Variants in SGCZ observed in about 807,000 individuals in gnomAD.
SGCZ encodes sarcoglycan zeta.
A neutral mutation model predicts 41.3 loss-of-function variants in SGCZ; 40 were observed. The ratio of observed to expected loss-of-function variants is 0.97; its 90% CI spans 0.75 to 1.26. SGCZ has a LOEUF of 1.26. SGCZ is among the 50% of genes most tolerant of loss of function. The pLI, the probability that SGCZ is intolerant of heterozygous loss-of-function variation, is 0.00. For missense variants in SGCZ, 552 were observed against 369.8 expected, an observed-to-expected ratio of 1.49 and a Z score of -4.04; for synonymous variants, 206 against 137.5, an observed-to-expected ratio of 1.50 and a Z score of -3.49.
intron 1 of SGCZ, among the ~76,000 whole-genome samples, chr8:14,999,133 A>C (rs1181886736): frequency 6.6e-6 from 1 of 152,216 alleles, no homozygotes; most frequent in Admixed American, 6.5e-5. Flanking sequence ...ACAGAAAACA[A>C]TGTGTGAATG....
At chr8:14,108,303 A>G in intron 5 of SGCZ, 68 bp from the exon 6 acceptor site, 1 of 1,365,056 alleles carries the variant, frequency 7.3e-7, no homozygotes, top group South Asian at 1.2e-5. Flanking sequence ...CTCTATGTTT[A>G]TGCATCAAAT....
chr8:14,565,311 G>C (rs994295287), intron 1 of SGCZ, among the ~76,000 whole-genome samples: 2 of 150,794 alleles, frequency 1.3e-5, no homozygotes, highest in South Asian at 2.1e-4. Flanking sequence ...AAAATGCAAT[G>C]ACTTTTTTTT....
chr8:14,368,751 T>C (rs995525152), intron 2 of SGCZ, among the ~76,000 whole-genome samples: 4 of 152,036 alleles, frequency 2.6e-5, no homozygotes, highest in African/African-American at 9.7e-5. Flanking sequence ...CTGAGCACTG[T>C]GTTGGCTGCT....
chr8:14,481,268 G>A (rs1296109027), intron 2 of SGCZ, among the ~76,000 whole-genome samples: 1 of 152,136 alleles, frequency 6.6e-6, no homozygotes, highest in Non-Finnish European at 1.5e-5. Context: ...TAGCCAGTGT[G>A]AAGAAAAGTT....
chr8:14,507,742 GTTT>G (rs35080832), intron 2 of SGCZ, among the ~76,000 whole-genome samples: 1 of 144,238 alleles, frequency 6.9e-6, no homozygotes, highest in Non-Finnish European at 1.5e-5. Flanking sequence ...CTACATTGCT[GTTT>G]TTGTTTGTTT....
At chr8:14,148,871 G>A (rs1803608137) in intron 5 of SGCZ, among the ~76,000 whole-genome samples, 1 of 152,068 alleles carries the variant, frequency 6.6e-6, no homozygotes, top group African/African-American at 2.4e-5. Flanking sequence ...GGGATGCAAG[G>A]ATAGTTCAAC....
At chr8:14,793,864 A>G (rs889019232) in intron 1 of SGCZ, among the ~76,000 whole-genome samples, 5 of 152,164 alleles carry the variant, frequency 3.3e-5, no homozygotes, top group African/African-American at 4.8e-5. Context: ...CTGGAATATC[A>G]TATCAATACA....
At position 15,101,971 on chromosome 8, in the gene SGCZ, T is replaced by C. The variant is rs185463372; in HGVS notation, c.39+135614A>G. On this transcript the variant is annotated intron_variant, in intron 1 of 7. Transcript: ENST00000382080. ...ATTACTTTGGAAGAGAGTTTGGCAGTTTTCTACAGAGCTAAACTTAGGCCT... is the reference window on the plus strand; with the variant it reads ...ATTACTTTGGAAGAGAGTTTGGCAGCTTTCTACAGAGCTAAACTTAGGCCT... 2.0e-4 allele frequency among the ~76,000 whole-genome samples: 30 copies of C among 152,148 alleles called. No individual in the cohort carries two copies. The East Asian group carries it at 5.4e-3, about 27-fold the overall frequency.
intron 2 of SGCZ, among the ~76,000 whole-genome samples, chr8:14,544,249 C>T (rs1803556550): frequency 6.6e-6 from 1 of 152,036 alleles, no homozygotes; most frequent in African/African-American, 2.4e-5. Flanking sequence ...ATCTTGTTAT[C>T]TTCATAAGCT....
intron 2 of SGCZ, among the ~76,000 whole-genome samples, chr8:14,449,063 C>T (rs1356109752): frequency 6.6e-6 from 1 of 152,148 alleles, no homozygotes. Flanking sequence ...GCCTCCTTGG[C>T]TCTTCAGGAT....
rs1348542499 is a variant in SGCZ, at chr8:14,364,158, T to A, written c.235-39954A>T. ...TGTGTTTATTTCTATGAAAATCCTA[T>A]TTTTAACACTAGTTGTTGAGATCAT... On this transcript the variant is annotated intron_variant, in intron 2 of 7. Coordinates refer to ENST00000382080, the MANE Select transcript of SGCZ (RefSeq NM_139167.4). Among the ~76,000 whole-genome samples, 5 of 152,204 alleles carry A rather than the reference T, an allele frequency of 3.3e-5. No homozygotes were observed. In the East Asian group the frequency reaches 7.7e-4, roughly 23 times the overall value.
intron 4 of SGCZ, among the ~76,000 whole-genome samples, chr8:14,177,602 C>A (rs902318993): frequency 1.3e-5 from 2 of 151,582 alleles, no homozygotes; most frequent in South Asian, 2.1e-4. Flanking sequence ...CTCCGCCTCC[C>A]GGGTTCATGC....
chr8:14,807,840 G>C (rs1801596317), intron 1 of SGCZ, among the ~76,000 whole-genome samples: 4 of 152,262 alleles, frequency 2.6e-5, no homozygotes, highest in Admixed American at 2.6e-4. Context: ...GTACTACAAG[G>C]CTACAGTAAC....
chr8:14,405,829 C>T (rs188038692), intron 2 of SGCZ, among the ~76,000 whole-genome samples: 5 of 152,152 alleles, frequency 3.3e-5, no homozygotes, highest in East Asian at 1.9e-4. Flanking sequence ...TAGAACATTT[C>T]GGCATTATCA....
intron 1 of SGCZ, among the ~76,000 whole-genome samples, chr8:15,002,433 A>T (rs564144352): frequency 6.6e-6 from 1 of 152,134 alleles, no homozygotes. Context: ...AGGCTTCTTA[A>T]TCCTATATAA....
intron 1 of SGCZ, among the ~76,000 whole-genome samples, chr8:15,137,187 G>A (rs1420453484): frequency 6.6e-6 from 1 of 151,478 alleles, no homozygotes; most frequent in African/African-American, 2.5e-5. Context: ...CAAAGAGACT[G>A]GTGGCATTAT....
chr8:14,372,718 A>G (rs1803958331), intron 2 of SGCZ, among the ~76,000 whole-genome samples: 2 of 152,126 alleles, frequency 1.3e-5, no homozygotes, highest in South Asian at 4.1e-4. Context: ...CAGATAAGAA[A>G]TGCGAAGACT....
intron 1 of SGCZ, among the ~76,000 whole-genome samples, chr8:14,574,816 C>A (rs201678217): frequency 6.6e-6 from 1 of 152,076 alleles, no homozygotes; most frequent in East Asian, 1.9e-4. Context: ...AGTAATATTT[C>A]AGGCAAAGAA....
chr8:15,077,110 A>T (rs1316265968), intron 1 of SGCZ, among the ~76,000 whole-genome samples: 1 of 152,212 alleles, frequency 6.6e-6, no homozygotes. Context: ...TGCTGTAATG[A>T]AGTGGATTCT....
Sources: gnomAD v4.1 joint callset for allele counts (sites outside exome capture counted in the v4.1 genomes callset) on GRCh38, gnomAD v4.1.1 for gene constraint, MANE v1.5 for transcripts, NCBI Gene and HGNC (gene_info 2026-07-23, HGNC 2026-07-21) for gene names.